The following ANXA10 variants were observed in gnomAD, a reference collection of about 807,000 sequenced individuals.
The protein encoded by ANXA10 is annexin 14.
ANXA10 carries 49 observed loss-of-function variants against 53.5 expected under a neutral mutation model. The observed-to-expected ratio is 0.92, with a 90% CI of 0.73 to 1.16. ANXA10 has a LOEUF of 1.16. Ranked by LOEUF, ANXA10 falls within the 50% of genes most tolerant of loss-of-function variation. The pLI, the probability that ANXA10 is intolerant of heterozygous loss-of-function variation, is 0.00. For synonymous variants in ANXA10, 131 were observed against 128.9 expected, an observed-to-expected ratio of 1.02 and a Z score of -0.11; for missense variants, 393 against 394.4, an observed-to-expected ratio of 1.00 and a Z score of 0.03.
chr4:168,129,121 C>CTT (rs1185308407), intron 2 of ANXA10, among the ~76,000 whole-genome samples: 1 of 152,042 alleles, frequency 6.6e-6, no homozygotes, highest in African/African-American at 2.4e-5. Flanking sequence ...AAAGCAAGCT[C>CTT]TTAACTTTAA....
At chr4:168,096,926 A>ATATGTATATATATATATATATATATATG (rs1553995920) in intron 1 of ANXA10, among the ~76,000 whole-genome samples, 3 of 129,916 alleles carry the variant, frequency 2.3e-5, no homozygotes, top group Non-Finnish European at 3.2e-5. Context: ...ATATATATAT[A>ATATGTATATATATATATATATATATATG]TATGTATGTA....
At position 168,128,065 on chromosome 4, in the gene ANXA10, T is replaced by C; in HGVS notation, c.19-19T>C. 1 of 1,591,584 alleles carries C rather than the reference T, an allele frequency of 6.3e-7. No individual in the cohort carries two copies. Among genetic ancestry groups the C allele is most frequent in the Non-Finnish European group, 8.6e-7 (1 of 1,159,964 alleles). On this transcript the variant is annotated intron_variant, in intron 1 of 11. Coordinates refer to ENST00000359299, the MANE Select transcript of ANXA10 (RefSeq NM_007193.5). Reference sequence around the variant, plus strand: ...AACATGAATTATTACAATCACTTTCTCATTGATTTTCCCACCAGGTGCAAG... The same window carrying C: ...AACATGAATTATTACAATCACTTTCCCATTGATTTTCCCACCAGGTGCAAG...
intron 11 of ANXA10, among the ~76,000 whole-genome samples, chr4:168,186,877 A>G (rs1162140637): frequency 1.3e-5 from 2 of 152,124 alleles, no homozygotes; most frequent in African/African-American, 4.8e-5. Flanking sequence ...ACATAATATT[A>G]TGGTGTATAT....
chr4:168,181,316 G>A lies in ANXA10; in HGVS notation c.725-367G>A, dbSNP rs1357831681. Among the ~76,000 whole-genome samples, 3 of 150,880 alleles carry A rather than the reference G, an allele frequency of 2.0e-5. No individual in the cohort carries two copies. The East Asian group carries it at 5.8e-4, about 29-fold the overall frequency. Reference sequence around the variant, plus strand: ...TGAGGCAGGAGAATGGCGTGAACCCGGGAGGCGGAGCTTGCAGTGAGCCGA... The same window carrying A: ...TGAGGCAGGAGAATGGCGTGAACCCAGGAGGCGGAGCTTGCAGTGAGCCGA... On this transcript the variant is annotated intron_variant, in intron 9 of 11. Coordinates refer to ENST00000359299, the MANE Select transcript of ANXA10 (RefSeq NM_007193.5).
chr4:168,148,206 T>A (rs1275434491), intron 3 of ANXA10, among the ~76,000 whole-genome samples: 1 of 151,460 alleles, frequency 6.6e-6, no homozygotes, highest in Non-Finnish European at 1.5e-5. Context: ...GGAATCTTGC[T>A]GTGTTGCCTG....
At chr4:168,108,585 C>A (rs1449633229) in intron 1 of ANXA10, among the ~76,000 whole-genome samples, 2 of 152,090 alleles carry the variant, frequency 1.3e-5, no homozygotes, top group Non-Finnish European at 2.9e-5. Context: ...GAGCCAGATC[C>A]CTTTAAAATG....
chr4:168,144,986 A>AT, intron 3 of ANXA10, among the ~76,000 whole-genome samples: 1 of 152,198 alleles, frequency 6.6e-6, no homozygotes, highest in Non-Finnish European at 1.5e-5. Flanking sequence ...AAACTTGGGG[A>AT]TTGGGATTTT....
intron 3 of ANXA10, among the ~76,000 whole-genome samples, chr4:168,153,428 A>AAAAAAAAAAAAACC (rs1731533194): frequency 1.3e-5 from 1 of 76,076 alleles, no homozygotes; most frequent in Admixed American, 1.3e-4. Flanking sequence ...AAAGCAAAAA[A>AAAAAAAAAAAAACC]AAAAAAAAAA....
intron 3 of ANXA10, among the ~76,000 whole-genome samples, chr4:168,139,797 G>T (rs1297770328): frequency 6.6e-6 from 1 of 152,096 alleles, no homozygotes; most frequent in Non-Finnish European, 1.5e-5. Context: ...CACTCACAGT[G>T]ACCAGTGACC....
At chr4:168,146,185 A>C (rs186220974) in intron 3 of ANXA10, among the ~76,000 whole-genome samples, 175 of 152,300 alleles carry the variant, frequency 1.1e-3, no homozygotes, top group Admixed American at 2.2e-3. Flanking sequence ...CTGGGATTGC[A>C]GGCATGAGCC....
chr4:168,103,650 G>C (rs934182100), intron 1 of ANXA10, among the ~76,000 whole-genome samples: 1 of 151,760 alleles, frequency 6.6e-6, no homozygotes, highest in African/African-American at 2.4e-5. Flanking sequence ...TAGGTATTCT[G>C]CATTTCCACA....
intron 2 of ANXA10, among the ~76,000 whole-genome samples, chr4:168,131,106 T>G (rs115274151): frequency 0.025 from 3,770 of 152,100 alleles, 58 homozygotes; most frequent in Middle Eastern, 0.041. Context: ...GATTTCTTTT[T>G]GTTTCTCTAT....
intron 3 of ANXA10, among the ~76,000 whole-genome samples, chr4:168,156,220 A>ACAT (rs1553957769): frequency 7.9e-5 from 4 of 50,614 alleles, no homozygotes; most frequent in Non-Finnish European, 1.0e-4. Flanking sequence ...ATTATATGTA[A>ACAT]TATGTATTAT....
intron 6 of ANXA10, among the ~76,000 whole-genome samples, chr4:168,167,376 A>G (rs527969060): frequency 6.6e-6 from 1 of 152,336 alleles, no homozygotes; most frequent in South Asian, 2.1e-4. Context: ...TTTGTGTTAG[A>G]TAATTTTGCC....
chr4:168,141,145 A>AT, intron 3 of ANXA10, among the ~76,000 whole-genome samples: 1 of 152,220 alleles, frequency 6.6e-6, no homozygotes, highest in African/African-American at 2.4e-5. Context: ...CTGTACATAT[A>AT]AAGTCTCAGA....
At chr4:168,168,441 C>T (rs560545139) in intron 6 of ANXA10, among the ~76,000 whole-genome samples, 194 of 151,898 alleles carry the variant, frequency 1.3e-3, no homozygotes, top group African/African-American at 4.1e-3. Context: ...TTTTTTTTAA[C>T]GGAGTTTCAC....
At chr4:168,153,470 A>C (rs1409219606) in intron 3 of ANXA10, among the ~76,000 whole-genome samples, 1 of 116,858 alleles carries the variant, frequency 8.6e-6, no homozygotes, top group Non-Finnish European at 1.9e-5. Context: ...AAAAAAAAAA[A>C]CCAATAACAA....
Position 168,187,685 on chromosome 4 carries a change from G to T in ANXA10, c.*251G>T. ...ATAAATTGTGCATGATGGAATAATA[G>T]AAAAATTGCATTGGAATAGATTTTA... On this transcript the variant is annotated 3_prime_UTR_variant, in exon 12 of 12. Transcript: ENST00000359299. 1 of 291,896 alleles carries T rather than the reference G, an allele frequency of 3.4e-6. No individual in the cohort carries two copies. 18.1% of individuals were successfully genotyped at this position (291,896 alleles called of 1,614,324 possible). A position where few individuals can be genotyped will look rare whatever the true frequency, so the allele number is the denominator to read the frequency against.
chr4:168,123,136 C>T (rs1731016524), intron 1 of ANXA10, among the ~76,000 whole-genome samples: 1 of 152,138 alleles, frequency 6.6e-6, no homozygotes, highest in Non-Finnish European at 1.5e-5. Context: ...CTCAAATACC[C>T]TGAGCATGCA....
Sources: allele counts gnomAD v4.1 joint callset (sites outside exome capture counted in the v4.1 genomes callset), GRCh38; gene constraint gnomAD v4.1.1; transcripts MANE v1.5; gene names NCBI Gene and HGNC (gene_info 2026-07-23, HGNC 2026-07-21).